Variants in COL6A6 observed in about 807,000 individuals in gnomAD.
COL6A6 encodes the protein collagen alpha-6(VI) chain.
COL6A6 carries 183 observed loss-of-function variants against 208.6 expected under a neutral mutation model. That is an observed-to-expected ratio of 0.88 (90% confidence interval 0.78 to 0.99). The LOEUF is 0.99. Ranked by LOEUF, COL6A6 falls within the 50% of genes least tolerant of loss-of-function variation. The pLI is 0.00. For synonymous variants in COL6A6, 973 were observed against 1,011.8 expected, an observed-to-expected ratio of 0.96 and a Z score of 0.73; for missense variants, 2,816 against 2,815.2, an observed-to-expected ratio of 1.00 and a Z score of -0.01.
chr3:130,617,931 A>G (rs2064583472), intron 23 of COL6A6, among the ~76,000 whole-genome samples: 1 of 152,170 alleles, frequency 6.6e-6, no homozygotes. Context: ...CAATTTTCAA[A>G]TAATCGTTAA....
Position 130,635,693 on chromosome 3 carries a change from AT to A in COL6A6, c.5029-3del. The A allele has an allele frequency of 6.3e-7, 1 of 1,595,006 alleles. No homozygotes were observed. Among genetic ancestry groups the A allele is most frequent in the Non-Finnish European group, 8.6e-7 (1 of 1,163,690 alleles). ...ATAACTATTTTACTTTAATAAATGT[AT>A]TTAGGGTGAGATTGGGGACCCTGGT... On this transcript the variant is annotated splice_polypyrimidine_tract_variant and splice_region_variant and intron_variant, in intron 27 of 36. Coordinates refer to ENST00000358511, the MANE Select transcript of COL6A6 (RefSeq NM_001102608.3).
intron 33 of COL6A6, among the ~76,000 whole-genome samples, chr3:130,651,663 A>G (rs2065649033): frequency 6.6e-6 from 1 of 152,180 alleles, no homozygotes; most frequent in Non-Finnish European, 1.5e-5. Context: ...CGGGCTATGC[A>G]AATAGAGTTG....
At chr3:130,657,176 C>T (rs1164510032) in intron 33 of COL6A6, among the ~76,000 whole-genome samples, 2 of 152,244 alleles carry the variant, frequency 1.3e-5, no homozygotes, top group Admixed American at 6.5e-5. Flanking sequence ...AACTCAGAAG[C>T]GGGTGGGGCT....
At chr3:130,548,827 A>G (rs769196177) in intron 1 of COL6A6, among the ~76,000 whole-genome samples, 109 of 152,192 alleles carry the variant, frequency 7.2e-4, no homozygotes, top group Non-Finnish European at 1.3e-3. Context: ...TAGTTCATGG[A>G]TTTCTTTTCT....
rs1361090703 is a variant in COL6A6 at position 130,649,274 on chromosome 3, C to CTCAGACGCCTACAAGAAGAG, written c.5449_5468dup (p.Leu1824ThrfsTer81). The CTCAGACGCCTACAAGAAGAG allele has an allele frequency of 5.0e-6, 8 of 1,602,500 alleles. No homozygotes were observed. In the Admixed American group the frequency reaches 1.4e-4, roughly 28 times the overall value. On this transcript the variant is annotated frameshift_variant, in exon 33 of 37. Coordinates refer to ENST00000358511, the MANE Select transcript of COL6A6 (RefSeq NM_001102608.3). LOFTEE classifies it high-confidence loss of function. ...CCCACGCCAGGCACCTTGTGCGCTTCTCAGACGCCTACAAGAAGAGTCAAC... is the reference window on the plus strand; with the variant it reads ...CCCACGCCAGGCACCTTGTGCGCTTCTCAGACGCCTACAAGAAGAGTCAGACGCCTACAAGAAGAGTCAAC...
intron 1 of COL6A6, among the ~76,000 whole-genome samples, chr3:130,518,899 A>G (rs1330971683): frequency 6.6e-6 from 1 of 152,210 alleles, no homozygotes; most frequent in Non-Finnish European, 1.5e-5. Context: ...GCCATGTGAA[A>G]TCAAATTTTA....
At chr3:130,648,526 T>C (rs1415235988) in intron 32 of COL6A6, among the ~76,000 whole-genome samples, 3 of 152,230 alleles carry the variant, frequency 2.0e-5, no homozygotes, top group Non-Finnish European at 4.4e-5. Context: ...CATGGCTGGT[T>C]AGTGATTGGG....
chr3:130,568,013 G>C (rs1359787643), intron 5 of COL6A6, 34 bp from the exon 6 acceptor site: 2 of 1,540,172 alleles, frequency 1.3e-6, no homozygotes, highest in South Asian at 2.5e-5. Context: ...ACATGTAGCT[G>C]ACTTGAATAA....
chr3:130,564,929 C>A lies in COL6A6; in HGVS notation c.662-65C>A, dbSNP rs183978490. On this transcript the variant is annotated intron_variant, in intron 3 of 36. Transcript: ENST00000358511. ...CTCTGCTGTATGGTCTTCATGCCTT[C>A]TAATGCTCACCAAAGATGCTGAACC... 3.2e-6 allele frequency: 5 copies of A among 1,565,190 alleles called. No homozygotes were observed. The East Asian group carries it at 1.1e-4, about 35-fold the overall frequency.
intron 21 of COL6A6, among the ~76,000 whole-genome samples, chr3:130,608,301 A>T: frequency 6.6e-6 from 1 of 152,180 alleles, no homozygotes; most frequent in Non-Finnish European, 1.5e-5. Flanking sequence ...TTTTTTTCTG[A>T]TTTCTAGGAA....
intron 21 of COL6A6, among the ~76,000 whole-genome samples, chr3:130,608,488 C>CT (rs1263907694): frequency 6.6e-6 from 1 of 151,976 alleles, no homozygotes; most frequent in Non-Finnish European, 1.5e-5. Flanking sequence ...CTTTTGTTCC[C>CT]TAGATATTTA....
intron 10 of COL6A6, among the ~76,000 whole-genome samples, chr3:130,584,977 AT>A (rs758745987): frequency 5.1e-4 from 78 of 152,050 alleles, no homozygotes; most frequent in Non-Finnish European, 1.2e-4. Context: ...AACCTCTCCA[AT>A]ATGTCCCTGA....
At chr3:130,564,931 A>G in intron 3 of COL6A6, 63 bp from the exon 4 acceptor site, 7 of 1,567,058 alleles carry the variant, frequency 4.5e-6, no homozygotes, top group Non-Finnish European at 5.2e-6. Flanking sequence ...CATGCCTTCT[A>G]ATGCTCACCA....
At chr3:130,553,501 A>G (rs910799626) in intron 1 of COL6A6, among the ~76,000 whole-genome samples, 1 of 152,168 alleles carries the variant, frequency 6.6e-6, no homozygotes, top group African/African-American at 2.4e-5. Context: ...CTATCAGATC[A>G]GTTTGGTTCT....
At position 130,535,603 on chromosome 3, in the gene COL6A6, G is replaced by A. The variant is rs1005730386; in HGVS notation, c.-32+18206G>A. On this transcript the variant is annotated intron_variant, in intron 1 of 36. Coordinates refer to ENST00000358511, the MANE Select transcript of COL6A6 (RefSeq NM_001102608.3). ...CATCTTCAGCAGTGGCTATTTTTAC[G>A]TGTTTGAGAGATTCCTATGCACCTA... 3.3e-5 allele frequency among the ~76,000 whole-genome samples: 5 copies of A among 151,570 alleles called. No individual in the cohort carries two copies. The South Asian group carries it at 8.4e-4, about 25-fold the overall frequency.
In COL6A6 at chr3:130,662,235, G is replaced by A; in HGVS notation, c.6429G>A (p.Gln2143=). The A allele has an allele frequency of 6.2e-7, 1 of 1,614,006 alleles. No individual in the cohort carries two copies. ...ACCCTTTGGATCACCACCTGGTCCA[G>A]CTTGGCCGAATTCATAAACCTGACC... ...ASHPLDHHLV[Q]LGRIHKPDHS... Residue 2143 remains glutamine (Q), a synonymous_variant, in exon 35 of 37, where the codon CAG becomes CAA. Transcript: ENST00000358511.
In COL6A6 at chr3:130,565,333, A is replaced by G; in HGVS notation, c.1001A>G (p.Gln334Arg). Residue 334 changes from glutamine to arginine, a missense_variant, in exon 4 of 37, where the codon CAG (glutamine) becomes CGG (arginine). Gln to Arg is a conservative substitution (Grantham distance 43). Coordinates refer to ENST00000358511, the MANE Select transcript of COL6A6 (RefSeq NM_001102608.3). ...AGTCGGAAGAATCAGGGGGTGCCCC[A>G]GATTGCCGTGCTGGTGACCCACCGA... ...NGSRKNQGVP[Q>R]IAVLVTHRDS... 1 of 1,612,242 alleles carries G rather than the reference A, an allele frequency of 6.2e-7. No homozygotes were observed. Among genetic ancestry groups the G allele is most frequent in the African/African-American group, 1.3e-5 (1 of 74,422 alleles).
At chr3:130,598,546 A>T in intron 19 of COL6A6, 116 bp downstream of exon 19, 1 of 708,846 alleles carries the variant, frequency 1.4e-6, no homozygotes. Flanking sequence ...TACTTGGTAC[A>T]GAAAAACCAT....
intron 8 of COL6A6, among the ~76,000 whole-genome samples, chr3:130,578,837 C>T (rs868570929): frequency 4.5e-4 from 68 of 152,158 alleles, no homozygotes; most frequent in African/African-American, 1.4e-3. Context: ...CCAAGGTGGC[C>T]GTTCTGCAGT....
Sources: allele counts gnomAD v4.1 joint callset (sites outside exome capture counted in the v4.1 genomes callset), GRCh38; gene constraint gnomAD v4.1.1; transcripts MANE v1.5; gene names NCBI Gene and HGNC (gene_info 2026-07-23, HGNC 2026-07-21).